The following PSMF1 variants were observed in gnomAD, a reference collection of about 807,000 sequenced individuals.
PSMF1 encodes the protein proteasome inhibitor subunit 1.
PSMF1 carries 30 observed loss-of-function variants against 29.3 expected under a neutral mutation model. The ratio of observed to expected loss-of-function variants is 1.02; its 90% confidence interval spans 0.77 to 1.39. The LOEUF is 1.39. Among genes scored for constraint, PSMF1 ranks in the 40% most tolerant of loss-of-function variants. The pLI, the probability that PSMF1 is intolerant of heterozygous loss-of-function variation, is 0.00. For synonymous variants in PSMF1, 134 were observed against 139.7 expected (o/e 0.96, Z 0.29); for missense variants, 344 against 357.5 (o/e 0.96, Z 0.31).
chr20:1,121,898 G>A (rs1179042612), intron 1 of PSMF1, among the ~76,000 whole-genome samples: 3 of 152,212 alleles, frequency 2.0e-5, no homozygotes, highest in Non-Finnish European at 1.5e-5. Flanking sequence ...TGGGTGCCAA[G>A]GGGATAGGTA....
chr20:1,166,086 T>C lies in PSMF1; in HGVS notation c.*1006T>C. 1 of 1,520,884 alleles carries C rather than the reference T, an allele frequency of 6.6e-7. No individual in the cohort carries two copies. The highest frequency in any genetic ancestry group is 1.2e-5 in the South Asian group (1 of 80,814). The allele number at this position is 1,520,884 out of a possible 1,614,324, so 94.2% of individuals were successfully genotyped here. ...TGTGGTTCTTGCCTAACTCTGTGGT[T>C]TTTGGACCCCATGGGGCCCAGACAG... is the stretch of plus-strand genomic sequence containing the variant. On this transcript the variant is annotated 3_prime_UTR_variant, in exon 7 of 7. Coordinates refer to ENST00000335877, the MANE Select transcript of PSMF1 (RefSeq NM_006814.5).
At position 1,126,381 on chromosome 20, in the gene PSMF1, G is replaced by A. The variant is rs114822259; in HGVS notation, c.282+731G>A. Among the ~76,000 whole-genome samples, 1,503 of 152,176 alleles carry A rather than the reference G, an allele frequency of 9.9e-3. 18 individuals are homozygous for A. The highest frequency in any genetic ancestry group is 0.034 in the African/African-American group (1,409 of 41,500). ...GCACTTTGCTTTTTTTTCACTCGGT[G>A]TTTTGGAGGCAAGACCTTGACATGG... On this transcript the variant is annotated intron_variant, in intron 2 of 6. Transcript: ENST00000335877.
At chr20:1,149,605 G>C (rs2086500244) in intron 4 of PSMF1, among the ~76,000 whole-genome samples, 1 of 152,152 alleles carries the variant, frequency 6.6e-6, no homozygotes, top group Non-Finnish European at 1.5e-5. Flanking sequence ...AATAAGCATG[G>C]TTTGTCATTC....
chr20:1,149,262 G>C (rs1180089704), intron 4 of PSMF1, among the ~76,000 whole-genome samples: 1 of 152,186 alleles, frequency 6.6e-6, no homozygotes, highest in Non-Finnish European at 1.5e-5. Context: ...GTTTTTGTAA[G>C]GGTTAGTTGT....
At chr20:1,146,720 A>G (rs1393600477) in intron 4 of PSMF1, among the ~76,000 whole-genome samples, 1 of 152,124 alleles carries the variant, frequency 6.6e-6, no homozygotes, top group African/African-American at 2.4e-5. Context: ...CTGGGTTCAT[A>G]CCCTGAGCTT....
intron 4 of PSMF1, among the ~76,000 whole-genome samples, chr20:1,139,873 A>G (rs2086359548): frequency 6.6e-6 from 1 of 152,256 alleles, no homozygotes; most frequent in Admixed American, 6.5e-5. Context: ...AAATTTAACA[A>G]AAGAAGAATT....
chr20:1,146,372 C>T (rs1372266968), intron 4 of PSMF1, among the ~76,000 whole-genome samples: 2 of 151,708 alleles, frequency 1.3e-5, no homozygotes, highest in Non-Finnish European at 2.9e-5. Context: ...AAACATGGGG[C>T]TGTCCCTGAA....
In PSMF1 at chr20:1,125,375, C is replaced by T. The variant is rs1307283125; in HGVS notation, c.130-123C>T. 3.6e-6 allele frequency: 4 copies of T among 1,100,114 alleles called. No homozygotes were observed. In the Admixed American group the frequency reaches 9.2e-5, roughly 25 times the overall value. 68.1% of individuals were successfully genotyped at this position (1,100,114 alleles called of 1,614,324 possible). A position where few individuals can be genotyped will look rare whatever the true frequency, so the allele number is the denominator to read the frequency against. ...CTGTAGGATCTTGGGCAAGTCATTT[C>T]TCTTGACCTCCACATCTTCATCTGT... On this transcript the variant is annotated intron_variant, in intron 1 of 6. Coordinates refer to ENST00000335877, the MANE Select transcript of PSMF1 (RefSeq NM_006814.5).
At chr20:1,160,769 C>T (rs184027869) in intron 4 of PSMF1, 45 of 424,278 alleles carry the variant, frequency 1.1e-4, no homozygotes, top group South Asian at 6.4e-4. Context: ...AGAGCAAGCA[C>T]GGCATCCTGA....
intron 2 of PSMF1, chr20:1,125,908 T>A: frequency 1.6e-6 from 1 of 620,124 alleles, no homozygotes; most frequent in Non-Finnish European, 3.0e-6. Context: ...ATCTATTCAG[T>A]GACAAGATAG....
chr20:1,128,125 C>G (rs1166169915), intron 3 of PSMF1, among the ~76,000 whole-genome samples: 2 of 152,184 alleles, frequency 1.3e-5, no homozygotes, highest in Non-Finnish European at 2.9e-5. Flanking sequence ...TTTGACTACC[C>G]TAAAAATCTG....
chr20:1,160,841 G>T, intron 4 of PSMF1: 1 of 465,990 alleles, frequency 2.1e-6, no homozygotes. Context: ...AGAAGATCTG[G>T]CACCACACCC....
In PSMF1 at chr20:1,164,240, G is replaced by A. The variant is rs977034452; in HGVS notation, c.606-78G>A. On this transcript the variant is annotated intron_variant, in intron 5 of 6. Coordinates refer to ENST00000335877, the MANE Select transcript of PSMF1 (RefSeq NM_006814.5). The surrounding 1 kb of genome is among the most constrained non-coding windows in gnomAD (Gnocchi z 4.1). The stretch of plus-strand genomic sequence containing the variant: ...AGTAGACATCCCAGCCATTCTTGGT[G>A]CATTGTAACCTCCCTCGCCTTTTCT... 1.4e-6 allele frequency: 2 copies of A among 1,406,342 alleles called. No homozygotes were observed. The highest frequency in any genetic ancestry group is 1.7e-5 in the Admixed American group (1 of 59,182). 87.1% of individuals were successfully genotyped at this position (1,406,342 alleles called of 1,614,324 possible).
intron 4 of PSMF1, among the ~76,000 whole-genome samples, chr20:1,139,470 G>T (rs1432447672): frequency 6.6e-6 from 1 of 152,138 alleles, no homozygotes. Context: ...GTGATATCTT[G>T]TATACAGAAA....
At chr20:1,141,380 G>A (rs1490010031) in intron 4 of PSMF1, among the ~76,000 whole-genome samples, 1 of 152,136 alleles carries the variant, frequency 6.6e-6, no homozygotes, top group Non-Finnish European at 1.5e-5. Flanking sequence ...CCTAGACTTG[G>A]GTTAATTGGA....
intron 3 of PSMF1, 49 bp from the exon 4 acceptor site, chr20:1,135,072 G>A: frequency 1.3e-6 from 2 of 1,598,262 alleles, no homozygotes; most frequent in Non-Finnish European, 8.6e-7. Flanking sequence ...ACCACTTCCA[G>A]GGTTCCTAGC....
chr20:1,137,879 A>G (rs73893245), intron 4 of PSMF1, among the ~76,000 whole-genome samples: 2,247 of 152,296 alleles, frequency 0.015, 51 homozygotes, highest in African/African-American at 0.05. Context: ...GGTGAATGAT[A>G]TGTCTGGGAT....
chr20:1,123,073 CAGA>C (rs2086110360), intron 1 of PSMF1, among the ~76,000 whole-genome samples: 1 of 152,202 alleles, frequency 6.6e-6, no homozygotes. Flanking sequence ...TTCTTTTTCG[CAGA>C]AGAATGGTTT....
chr20:1,171,941 A>G lies in PSMF1; in HGVS notation c.*6861A>G, dbSNP rs2086794380. Among the ~76,000 whole-genome samples the G allele has an allele frequency of 6.6e-6, 1 of 152,224 alleles. No individual in the cohort carries two copies. Among genetic ancestry groups the G allele is most frequent in the African/African-American group, 2.4e-5 (1 of 41,460 alleles). On this transcript the variant is annotated 3_prime_UTR_variant, in exon 7 of 7. Transcript: ENST00000335877. ...GAGTGAGAAGCATGTGAAGAGAGGG[A>G]TGGCCCAGGGGCCCTTGGCCATGGT... is the stretch of plus-strand genomic sequence containing the variant.
Sources: gnomAD v4.1 joint callset for allele counts (sites outside exome capture counted in the v4.1 genomes callset) on GRCh38, gnomAD v4.1.1 for gene constraint, Gnocchi (gnomAD v3.1) non-coding constraint, MANE v1.5 for transcripts, NCBI Gene and HGNC (gene_info 2026-07-23, HGNC 2026-07-21) for gene names.